The following MAGED1 variants were observed in gnomAD, a reference collection of about 807,000 sequenced individuals.
The protein encoded by MAGED1 is MAGE family member D1.
MAGED1 carries 3 observed loss-of-function variants against 54.1 expected under a neutral mutation model. The observed-to-expected ratio is 0.06, with a 90% CI of 0.03 to 0.14. The LOEUF (loss-of-function observed/expected upper bound fraction) is 0.14. Ranked by LOEUF, MAGED1 falls within the 10% of genes least tolerant of loss-of-function variation. The pLI is 1.00. For synonymous variants in MAGED1, 217 were observed against 227.3 expected (o/e 0.95, Z 0.41); for missense variants, 485 against 623.4 (o/e 0.78, Z 2.36).
chrX:51,882,718 C>G (rs915801455), intron 1 of MAGED1, among the ~76,000 whole-genome samples: 1 of 109,939 alleles, frequency 9.1e-6, no homozygotes, highest in Non-Finnish European at 1.9e-5. Context: ...GAGACGGAGT[C>G]TCACTCTTGT....
At chrX:51,872,957 A>G (rs782175893) in intron 1 of MAGED1, among the ~76,000 whole-genome samples, 33 of 111,538 alleles carry the variant, frequency 3.0e-4, no homozygotes, top group South Asian at 2.6e-3. Flanking sequence ...CTCTGGACCA[A>G]TCTGCCTCTG....
chrX:51,881,962 A>G (rs1263734734), intron 1 of MAGED1, among the ~76,000 whole-genome samples: 10 of 111,624 alleles, frequency 9.0e-5, no homozygotes, highest in African/African-American at 2.0e-4. Flanking sequence ...AAAAGAGAGA[A>G]AAAGGTAATA....
intron 1 of MAGED1, among the ~76,000 whole-genome samples, chrX:51,880,417 T>A (rs1260070796): frequency 1.8e-5 from 2 of 111,115 alleles, no homozygotes; most frequent in African/African-American, 6.5e-5. Context: ...AAGCAGAGAG[T>A]GAGAGGGGGA....
At chrX:51,873,045 CAA>C (rs33935618) in intron 1 of MAGED1, among the ~76,000 whole-genome samples, 14,237 of 102,953 alleles carry the variant, frequency 0.14, 837 homozygotes, top group African/African-American at 0.17. Context: ...CTTTCATTGT[CAA>C]AAAAAAAAAA....
chrX:51,896,911 C>G lies in MAGED1; in HGVS notation c.1256C>G (p.Pro419Arg). The G allele has an allele frequency of 3.3e-6, 4 of 1,208,289 alleles. No homozygotes were observed. Among genetic ancestry groups the G allele is most frequent in the Non-Finnish European group, 4.5e-6 (4 of 894,048 alleles). The change falls in exon 4 of 13, where the codon CCC becomes CGC. Residue 419 changes from proline to arginine, a missense_variant. Pro to Arg is a moderately radical substitution (Grantham distance 103). Transcript: ENST00000326587. ...CCACTGCCACCTGATTGGCCACTTCCCACTGACTGGCCACTACCACCTGAC... is the reference window on the plus strand; with the variant it reads ...CCACTGCCACCTGATTGGCCACTTCGCACTGACTGGCCACTACCACCTGAC... ...DWPLPPDWPL[P>R]TDWPLPPDWI...
chrX:51,847,181 T>G (rs927592224), intron 1 of MAGED1, among the ~76,000 whole-genome samples: 1 of 111,741 alleles, frequency 8.9e-6, no homozygotes, highest in Non-Finnish European at 1.9e-5. Context: ...TAAAAAGAAA[T>G]AAAGTGTACA....
chrX:51,862,436 C>T (rs1395324983), intron 1 of MAGED1, among the ~76,000 whole-genome samples: 1 of 111,367 alleles, frequency 9.0e-6, no homozygotes, highest in Non-Finnish European at 1.9e-5. Context: ...AGAACATTAT[C>T]AGTACTTTAG....
chrX:51,887,547 T>C (rs1316316998), intron 1 of MAGED1, among the ~76,000 whole-genome samples: 3 of 110,705 alleles, frequency 2.7e-5, no homozygotes, highest in African/African-American at 9.9e-5. Context: ...TGCCAGCTGA[T>C]TTTCGACAAA....
At chrX:51,876,672 A>T (rs1927878613) in intron 1 of MAGED1, among the ~76,000 whole-genome samples, 1 of 111,645 alleles carries the variant, frequency 9.0e-6, no homozygotes, top group Non-Finnish European at 1.9e-5. Context: ...CAGTAGCATG[A>T]CTAGTATGCT....
chrX:51,831,573 A>G (rs1433126285), intron 1 of MAGED1, among the ~76,000 whole-genome samples: 1 of 112,167 alleles, frequency 8.9e-6, no homozygotes, highest in Non-Finnish European at 1.9e-5. Flanking sequence ...TGATCTCACC[A>G]CTGGACTCCA....
intron 1 of MAGED1, among the ~76,000 whole-genome samples, chrX:51,877,134 T>C (rs1431988413): frequency 9.0e-6 from 1 of 110,742 alleles, no homozygotes; most frequent in Non-Finnish European, 1.9e-5. Context: ...GATTGCATTT[T>C]TTCCTAGATC....
At chrX:51,897,106 T>C in intron 4 of MAGED1, 29 bp downstream of exon 4, 3 of 1,201,785 alleles carry the variant, frequency 2.5e-6, no homozygotes, top group Non-Finnish European at 3.4e-6. Flanking sequence ...CAGTCACTTT[T>C]CCCCTCTCTT....
chrX:51,899,911 G>A (rs1928933183), intron 10 of MAGED1: 1 of 284,733 alleles, frequency 3.5e-6, no homozygotes, highest in South Asian at 4.3e-5. Flanking sequence ...CAAGAATCTG[G>A]AGCTAGAGCT....
At chrX:51,829,864 G>A (rs1557357260) in intron 1 of MAGED1, among the ~76,000 whole-genome samples, 1 of 111,729 alleles carries the variant, frequency 9.0e-6, no homozygotes, top group African/African-American at 3.3e-5. Context: ...GCTGATGTGG[G>A]TGGAAAGAAA....
chrX:51,871,806 G>C (rs1927685758), intron 1 of MAGED1, among the ~76,000 whole-genome samples: 1 of 111,468 alleles, frequency 9.0e-6, no homozygotes, highest in East Asian at 2.8e-4. Context: ...GGGATGGCTG[G>C]GTCAAATGGT....
chrX:51,853,721 C>G (rs151070063), intron 1 of MAGED1, among the ~76,000 whole-genome samples: 220 of 112,357 alleles, frequency 2.0e-3, no homozygotes, highest in Non-Finnish European at 3.4e-3. Context: ...GGTGTTACTA[C>G]TTTTCTTTCA....
chrX:51,822,032 T>C (rs1246887528), intron 1 of MAGED1, among the ~76,000 whole-genome samples: 5 of 111,754 alleles, frequency 4.5e-5, no homozygotes, highest in African/African-American at 1.3e-4. Context: ...GATATTGGTC[T>C]GTAGGTTTCT....
intron 1 of MAGED1, among the ~76,000 whole-genome samples, chrX:51,843,003 C>T (rs1926559712): frequency 8.9e-6 from 1 of 112,162 alleles, no homozygotes; most frequent in African/African-American, 3.2e-5. Context: ...CTAGGTGTCA[C>T]ATTATTAAAC....
intron 1 of MAGED1, among the ~76,000 whole-genome samples, chrX:51,839,580 AT>A (rs1395805841): frequency 8.9e-6 from 1 of 112,059 alleles, no homozygotes; most frequent in Admixed American, 9.5e-5. Flanking sequence ...CCAGAAAAAA[AT>A]ATGTTCTTTA....
Sources: allele counts gnomAD v4.1 joint callset (sites outside exome capture counted in the v4.1 genomes callset), GRCh38; gene constraint gnomAD v4.1.1; transcripts MANE v1.5; gene names NCBI Gene and HGNC (gene_info 2026-07-23, HGNC 2026-07-21).